PTPRD: variants seen among roughly 807,000 people sequenced by gnomAD.
PTPRD encodes receptor-type tyrosine-protein phosphatase delta.
Under a neutral mutation model 214.5 loss-of-function variants are expected in PTPRD, and 34 were observed. The ratio of observed to expected loss-of-function variants is 0.16; its 90% CI spans 0.12 to 0.21. The LOEUF (loss-of-function observed/expected upper bound fraction) is 0.21, where lower values mean the gene tolerates loss of function less well. PTPRD is among the 10% of genes least tolerant of loss of function. The pLI is 1.00. For synonymous variants in PTPRD, 1,128 were observed against 845.7 expected, an observed-to-expected ratio of 1.33 and a Z score of -5.79; for missense variants, 2,545 against 2,398.7, an observed-to-expected ratio of 1.06 and a Z score of -1.27.
intron 4 of PTPRD, among the ~76,000 whole-genome samples, chr9:10,001,170 C>T (rs1241235995): frequency 6.6e-6 from 1 of 152,038 alleles, no homozygotes; most frequent in Non-Finnish European, 1.5e-5. Context: ...AGACCAATGA[C>T]CCTGGTGTTC....
rs2092290584 is a variant in PTPRD, at chr9:9,588,058, CT to C, written c.-286-13278del. On this transcript the variant is annotated intron_variant, in intron 7 of 45. Coordinates refer to ENST00000381196, the MANE Select transcript of PTPRD (RefSeq NM_002839.4). ...CAAGATCATGGATATCTCAAATATC[CT>C]GACTTGATCATAACACATTCCAAAC... is the stretch of plus-strand genomic sequence containing the variant. Among the ~76,000 whole-genome samples, 3 of 151,868 alleles carry C rather than the reference CT, an allele frequency of 2.0e-5. No homozygotes were observed. The South Asian group carries it at 6.2e-4, about 31-fold the overall frequency.
intron 8 of PTPRD, among the ~76,000 whole-genome samples, chr9:9,436,902 C>T (rs1002408897): frequency 2.0e-5 from 3 of 147,370 alleles, no homozygotes; most frequent in Non-Finnish European, 3.0e-5. Flanking sequence ...AAAAAAAAAG[C>T]CTGTCTACGA....
chr9:8,987,720 C>G lies in PTPRD; in HGVS notation c.-104+30977G>C, dbSNP rs116355120. Among the ~76,000 whole-genome samples, 843 of 152,108 alleles carry G rather than the reference C, an allele frequency of 5.5e-3. 2 individuals are homozygous for G. Among genetic ancestry groups the G allele is most frequent in the African/African-American group, 0.019 (775 of 41,508 alleles). On this transcript the variant is annotated intron_variant, in intron 11 of 45. Coordinates refer to ENST00000381196, the MANE Select transcript of PTPRD (RefSeq NM_002839.4). ...TTAACACGGGTAGCACCACATCAGCCTTTAAGAATGAAGTTGAATGAAGTT... is the reference window on the plus strand; with the variant it reads ...TTAACACGGGTAGCACCACATCAGCGTTTAAGAATGAAGTTGAATGAAGTT...
chr9:9,421,264 G>T (rs1362692296), intron 8 of PTPRD, among the ~76,000 whole-genome samples: 1 of 150,374 alleles, frequency 6.7e-6, no homozygotes, highest in African/African-American at 2.5e-5. Flanking sequence ...TAAGTAGCAA[G>T]TAATAGTACT....
At chr9:9,077,470 C>A (rs2099752962) in intron 10 of PTPRD, among the ~76,000 whole-genome samples, 1 of 151,926 alleles carries the variant, frequency 6.6e-6, no homozygotes, top group African/African-American at 2.4e-5. Context: ...TATTATTAAA[C>A]AAAGTCAATA....
intron 3 of PTPRD, among the ~76,000 whole-genome samples, chr9:10,076,818 A>T (rs1029930844): frequency 6.6e-6 from 1 of 152,148 alleles, no homozygotes; most frequent in Admixed American, 6.6e-5. Context: ...CTCACAGCTA[A>T]ATAAACCTAG....
chr9:8,838,268 A>G (rs751890594), intron 11 of PTPRD, among the ~76,000 whole-genome samples: 5 of 152,054 alleles, frequency 3.3e-5, no homozygotes, highest in Non-Finnish European at 5.9e-5. Flanking sequence ...GAGTACTGCA[A>G]ATACTTGGGG....
intron 5 of PTPRD, among the ~76,000 whole-genome samples, chr9:9,905,919 G>T (rs934811379): frequency 7.2e-5 from 11 of 151,930 alleles, no homozygotes; most frequent in African/African-American, 1.7e-4. Flanking sequence ...AGAATTAACA[G>T]ACTATTAAGA....
chr9:8,567,298 C>G (rs1045309072), intron 14 of PTPRD, among the ~76,000 whole-genome samples: 1 of 152,200 alleles, frequency 6.6e-6, no homozygotes, highest in African/African-American at 2.4e-5. Context: ...GCCTGTAATC[C>G]TGTTCCCTCC....
intron 34 of PTPRD, 25 bp from the exon 35 acceptor site, chr9:8,436,714 C>T: frequency 1.9e-6 from 3 of 1,553,062 alleles, no homozygotes; most frequent in Non-Finnish European, 2.7e-6. Context: ...AAAGAAGAAA[C>T]ACATTTGAAA....
At chr9:9,531,483 C>T (rs74990021) in intron 8 of PTPRD, among the ~76,000 whole-genome samples, 28,366 of 151,942 alleles carry the variant, frequency 0.19, 2,931 homozygotes, top group Middle Eastern at 0.22. Context: ...TTGCAATGTT[C>T]GAAAGAATTT....
At chr9:10,491,609 A>T (rs1249661408) in intron 2 of PTPRD, among the ~76,000 whole-genome samples, 1 of 152,146 alleles carries the variant, frequency 6.6e-6, no homozygotes, top group East Asian at 1.9e-4. Flanking sequence ...ATGATTTACA[A>T]CTAGATAAAA....
At chr9:8,793,280 G>A (rs2096294122) in intron 11 of PTPRD, among the ~76,000 whole-genome samples, 1 of 149,186 alleles carries the variant, frequency 6.7e-6, no homozygotes, top group African/African-American at 2.6e-5. Context: ...GAATAAGCCA[G>A]CTACCATGTG....
At chr9:9,474,610 A>G (rs987858124) in intron 8 of PTPRD, among the ~76,000 whole-genome samples, 8 of 151,980 alleles carry the variant, frequency 5.3e-5, no homozygotes, top group African/African-American at 9.7e-5. Flanking sequence ...GTTCTCTTCA[A>G]TTTATTTCAT....
intron 12 of PTPRD, among the ~76,000 whole-genome samples, 167 bp downstream of exon 12, chr9:8,733,613 C>T (rs2098685023): frequency 6.6e-6 from 1 of 152,160 alleles, no homozygotes; most frequent in Admixed American, 6.5e-5. Flanking sequence ...GAGGAAGTCA[C>T]GTCAATAATC....
intron 4 of PTPRD, among the ~76,000 whole-genome samples, chr9:10,007,685 C>T (rs2096513807): frequency 6.6e-6 from 1 of 152,060 alleles, no homozygotes; most frequent in African/African-American, 2.4e-5. Context: ...CCACCTACAA[C>T]CCCATGCACA....
chr9:9,373,322 T>C (rs971096277), intron 9 of PTPRD, among the ~76,000 whole-genome samples: 2 of 152,126 alleles, frequency 1.3e-5, no homozygotes, highest in Admixed American at 1.3e-4. Context: ...CTATAATTTA[T>C]ATGCAAAGAA....
intron 5 of PTPRD, among the ~76,000 whole-genome samples, chr9:9,783,260 C>A (rs1329503439): frequency 1.3e-5 from 2 of 152,062 alleles, no homozygotes; most frequent in Non-Finnish European, 2.9e-5. Context: ...TATTTTTTTA[C>A]CAAGGTTTTA....
intron 12 of PTPRD, among the ~76,000 whole-genome samples, chr9:8,702,859 G>T (rs530740650): frequency 1.3e-5 from 2 of 152,064 alleles, no homozygotes; most frequent in African/African-American, 2.4e-5. Flanking sequence ...CGCCCGCCTC[G>T]GCCTCCCAAA....
Sources: allele counts gnomAD v4.1 joint callset (sites outside exome capture counted in the v4.1 genomes callset), GRCh38; gene constraint gnomAD v4.1.1; transcripts MANE v1.5; gene names NCBI Gene and HGNC (gene_info 2026-07-23, HGNC 2026-07-21).